The following SLC75A1 variants were observed in gnomAD, a reference collection of about 807,000 sequenced individuals.
SLC75A1 encodes the protein major facilitator superfamily domain containing 10.
chr4:2,934,457 C>T, the SLC75A1 span: 3 of 144,542 alleles, frequency 2.1e-5, no homozygotes, highest in Non-Finnish European at 4.6e-5. Context: ...CCGCGTGCGT[C>T]CCGGTCCCGC....
chr4:2,933,185 A>G, the SLC75A1 span: 32 of 1,613,664 alleles, frequency 2.0e-5, no homozygotes, highest in Non-Finnish European at 2.6e-5. Context: ...AAACTGCAGG[A>G]CAGAGAATGC....
At chr4:2,931,163 G>A in the SLC75A1 span, 1 of 1,557,548 alleles carries the variant, frequency 6.4e-7, no homozygotes, top group Non-Finnish European at 8.7e-7. Context: ...GTGGGAAGAG[G>A]CACAGTCAGG....
chr4:2,933,277 G>A, the SLC75A1 span: 8 of 1,445,482 alleles, frequency 5.5e-6, no homozygotes, highest in South Asian at 1.2e-5. Flanking sequence ...GGCCCTCAAG[G>A]CCAATGTCCA....
At chr4:2,933,825 CAGG>C in the SLC75A1 span, 2 of 1,590,610 alleles carry the variant, frequency 1.3e-6, no homozygotes, top group Non-Finnish European at 1.7e-6. Context: ...GGAGGTCCAG[CAGG>C]AGGCCGAGAA....
At chr4:2,933,450 T>C in the SLC75A1 span, 1 of 1,166,462 alleles carries the variant, frequency 8.6e-7, no homozygotes, top group African/African-American at 1.5e-5. Flanking sequence ...GCACCAGACA[T>C]GCCAGCCCAG....
At chr4:2,931,441 A>G in the SLC75A1 span, 1 of 1,562,526 alleles carries the variant, frequency 6.4e-7, no homozygotes, top group Non-Finnish European at 8.7e-7. Context: ...ATGAGGAGGA[A>G]GGCGGGCACC....
the SLC75A1 span, chr4:2,932,084 A>G: frequency 6.2e-7 from 1 of 1,611,166 alleles, no homozygotes; most frequent in East Asian, 2.2e-5. Flanking sequence ...GCGACAGCCG[A>G]GAAGCGCAGC....
chr4:2,931,150 C>T, the SLC75A1 span: 2 of 1,562,808 alleles, frequency 1.3e-6, no homozygotes, highest in South Asian at 2.3e-5. Context: ...CCCTGGTGAG[C>T]CTGTGGGAAG....
chr4:2,933,927 G>A, the SLC75A1 span: 15 of 1,559,022 alleles, frequency 9.6e-6, no homozygotes, highest in South Asian at 4.7e-5. Context: ...ATCCCATGGT[G>A]GGCTGCTCTG....
chr4:2,932,155 T>G, the SLC75A1 span: 14 of 1,602,720 alleles, frequency 8.7e-6, no homozygotes, highest in Non-Finnish European at 1.1e-5. Flanking sequence ...AGAGGGCGCC[T>G]GTGGGGATGG....
chr4:2,931,613 A>G, the SLC75A1 span: 5 of 1,613,442 alleles, frequency 3.1e-6, no homozygotes, highest in Middle Eastern at 1.6e-4. Context: ...GGCACCCTGG[A>G]TGGTGGCCAT....
chr4:2,934,157 C>G, the SLC75A1 span: 11 of 589,816 alleles, frequency 1.9e-5, no homozygotes, highest in African/African-American at 1.7e-4. Context: ...AAAAAATAGC[C>G]GCAAAGGCAA....
the SLC75A1 span, chr4:2,933,844 A>G: frequency 2.8e-5 from 45 of 1,588,992 alleles, no homozygotes; most frequent in Middle Eastern, 1.7e-4. Flanking sequence ...GAGAAAGACA[A>G]CGGTGACCAC....
At chr4:2,932,101 A>G in the SLC75A1 span, 1 of 1,610,712 alleles carries the variant, frequency 6.2e-7, no homozygotes, top group Non-Finnish European at 8.5e-7. Flanking sequence ...CAGCAGGGCC[A>G]GGGGGCTGAG....
chr4:2,931,108 C>T, the SLC75A1 span: 2 of 1,589,608 alleles, frequency 1.3e-6, no homozygotes, highest in Non-Finnish European at 1.7e-6. Context: ...AGCACCTAGG[C>T]TGCGCAGTGT....
At chr4:2,931,557 G>A in the SLC75A1 span, 1,308 of 1,611,672 alleles carry the variant, frequency 8.1e-4, 1 homozygote, top group Non-Finnish European at 1.0e-3. Flanking sequence ...CCCCCTACCC[G>A]CTTCACGGCA....
At chr4:2,934,281 G>GGATCCC in the SLC75A1 span, 10,078 of 261,954 alleles carry the variant, frequency 0.038, 476 homozygotes, top group African/African-American at 0.13. Context: ...CGGGGAACCC[G>GGATCCC]GATCCCGATC....
the SLC75A1 span, chr4:2,932,571 G>GAC: frequency 2.9e-4 from 464 of 1,612,426 alleles, 2 homozygotes; most frequent in African/African-American, 5.6e-3. Context: ...TCACCACCAG[G>GAC]ACCCCAAAGG....
At chr4:2,933,180 GCAGGA>G in the SLC75A1 span, 1 of 1,613,670 alleles carries the variant, frequency 6.2e-7, no homozygotes, top group Non-Finnish European at 8.5e-7. Flanking sequence ...CACAGAAACT[GCAGGA>G]CAGAGAATGC....
Sources: gnomAD v4.1 joint callset for allele counts on GRCh38, gnomAD v4.1.1 for gene constraint, MANE v1.5 for transcripts, NCBI Gene and HGNC (gene_info 2026-07-23, HGNC 2026-07-21) for gene names.